The following PTPN4 variants were observed in gnomAD, a reference collection of about 807,000 sequenced individuals.
PTPN4 encodes protein tyrosine phosphatase non-receptor type 4.
Under a neutral mutation model 135.5 loss-of-function variants are expected in PTPN4, and 49 were observed. The ratio of observed to expected loss-of-function variants is 0.36; its 90% CI spans 0.29 to 0.46. The LOEUF is 0.46. Among genes scored for constraint, PTPN4 ranks in the 20% least tolerant of loss-of-function variants. The probability of loss-of-function intolerance (pLI) is 1.00; values close to 1 mark genes in which losing one functional copy is unlikely to be tolerated. For missense variants in PTPN4, 860 were observed against 1,101.0 expected, an observed-to-expected ratio of 0.78 and a Z score of 3.10; for synonymous variants, 333 against 369.9, an observed-to-expected ratio of 0.90 and a Z score of 1.14.
At chr2:119,808,700 G>A (rs1421411898) in intron 1 of PTPN4, among the ~76,000 whole-genome samples, 1 of 152,088 alleles carries the variant, frequency 6.6e-6, no homozygotes, top group African/African-American at 2.4e-5. Context: ...TTACAGTCAT[G>A]AGCCACTTCA....
intron 10 of PTPN4, among the ~76,000 whole-genome samples, chr2:119,912,254 G>A (rs543173853): frequency 6.6e-6 from 1 of 152,178 alleles, no homozygotes; most frequent in Non-Finnish European, 1.5e-5. Flanking sequence ...GTTGGTCAGT[G>A]GTTACGTAGG....
intron 12 of PTPN4, among the ~76,000 whole-genome samples, chr2:119,922,177 C>T (rs112652253): frequency 5.6e-5 from 8 of 142,866 alleles, no homozygotes; most frequent in African/African-American, 7.7e-5. Flanking sequence ...GAAATTTGTA[C>T]CATAAATATT....
chr2:119,845,269 G>A (rs1324976957), intron 2 of PTPN4, among the ~76,000 whole-genome samples: 3 of 100,186 alleles, frequency 3.0e-5, no homozygotes, highest in African/African-American at 1.0e-4. Flanking sequence ...GGAGGGGGAG[G>A]GAGAGGGAGA....
intron 12 of PTPN4, 42 bp from the exon 13 acceptor site, chr2:119,926,556 T>C (rs113345552): frequency 1.5e-6 from 2 of 1,359,878 alleles, no homozygotes; most frequent in Non-Finnish European, 1.0e-6. Flanking sequence ...TATCTTATAG[T>C]TCTCTTAAGA....
intron 2 of PTPN4, among the ~76,000 whole-genome samples, chr2:119,821,154 G>A (rs1006659732): frequency 4.1e-5 from 6 of 146,342 alleles, no homozygotes; most frequent in South Asian, 2.2e-4. Flanking sequence ...GAGCAGTGGC[G>A]TGATCTCGGT....
At chr2:119,963,493 A>G (rs1304774507) in intron 24 of PTPN4, among the ~76,000 whole-genome samples, 6 of 152,222 alleles carry the variant, frequency 3.9e-5, no homozygotes, top group Non-Finnish European at 7.3e-5. Context: ...AGCCCAAGCT[A>G]TGAGTGCCCA....
At chr2:119,946,067 T>C (rs185779543) in intron 16 of PTPN4, among the ~76,000 whole-genome samples, 35 of 152,194 alleles carry the variant, frequency 2.3e-4, no homozygotes, top group Admixed American at 9.8e-4. Context: ...TCTACGGATA[T>C]AGCAATTAAT....
At chr2:119,796,407 C>A (rs1440566604) in intron 1 of PTPN4, among the ~76,000 whole-genome samples, 1 of 152,180 alleles carries the variant, frequency 6.6e-6, no homozygotes, top group African/African-American at 2.4e-5. Context: ...TGTCTATCAC[C>A]ATAGCTTTGT....
At position 119,983,398 on chromosome 2, in the gene PTPN4, C is replaced by A. The variant is rs757463177; in HGVS notation, c.*6328C>A. The A allele has an allele frequency of 6.6e-6, 1 of 152,134 alleles. No homozygotes were observed. The highest frequency in any genetic ancestry group is 2.4e-5 in the African/African-American group (1 of 41,440). The allele number at this position is 152,134 out of a possible 1,614,324, so 9.4% of individuals were successfully genotyped here. Reference sequence around the variant, plus strand: ...TCATTTTAACATATATTCAAAGAAGCTTTTTAGTTTCTACTCCTGAATTGT... The same window carrying A: ...TCATTTTAACATATATTCAAAGAAGATTTTTAGTTTCTACTCCTGAATTGT... On this transcript the variant is annotated 3_prime_UTR_variant, in exon 27 of 27. Transcript: ENST00000263708.
intron 11 of PTPN4, chr2:119,915,839 C>G (rs1253060746): frequency 6.6e-6 from 1 of 152,064 alleles, no homozygotes; most frequent in Non-Finnish European, 1.5e-5. Context: ...TTGGCAAATT[C>G]ATGCAGATTT....
At chr2:119,851,796 C>T (rs1470491304) in intron 2 of PTPN4, among the ~76,000 whole-genome samples, 1 of 152,092 alleles carries the variant, frequency 6.6e-6, no homozygotes, top group African/African-American at 2.4e-5. Flanking sequence ...ATTGTCTGTC[C>T]CTGCCTCCGG....
chr2:119,855,426 G>T (rs1157104586), intron 2 of PTPN4, among the ~76,000 whole-genome samples: 1 of 152,148 alleles, frequency 6.6e-6, no homozygotes, highest in African/African-American at 2.4e-5. Context: ...ATATAGCCCT[G>T]TTCCTTGAAG....
chr2:119,775,096 G>GAAAAAAAA (rs35234122), intron 1 of PTPN4, among the ~76,000 whole-genome samples: 7 of 66,766 alleles, frequency 1.0e-4, no homozygotes, highest in Admixed American at 2.1e-4. Flanking sequence ...GCCCTATTCT[G>GAAAAAAAA]AAAAAAAAAA....
At chr2:119,797,479 C>A (rs1691282541) in intron 1 of PTPN4, among the ~76,000 whole-genome samples, 1 of 152,102 alleles carries the variant, frequency 6.6e-6, no homozygotes, top group Admixed American at 6.6e-5. Flanking sequence ...TGTTTTGTTC[C>A]TGATATTAGA....
intron 1 of PTPN4, among the ~76,000 whole-genome samples, chr2:119,784,834 G>T (rs566360719): frequency 2.0e-5 from 3 of 151,368 alleles, no homozygotes; most frequent in South Asian, 4.2e-4. Flanking sequence ...CACCATGCCT[G>T]GTCAGTCTTC....
chr2:119,984,736 T>G lies in PTPN4; in HGVS notation c.*7666T>G, dbSNP rs949349374. Among the ~76,000 whole-genome samples the G allele has an allele frequency of 1.3e-4, 20 of 152,206 alleles. No homozygotes were observed. The highest frequency in any genetic ancestry group is 4.6e-4 in the African/African-American group (19 of 41,454). On this transcript the variant is annotated 3_prime_UTR_variant, in exon 27 of 27. Transcript: ENST00000263708. ...AATGCTGGTTTGCATTAATACTGTT[T>G]TAGTCTTAAGAGCAATTTATATTAT...
intron 2 of PTPN4, among the ~76,000 whole-genome samples, chr2:119,821,564 CTTTTGCAATTATTTAA>C (rs1208778480): frequency 3.3e-5 from 5 of 151,834 alleles, no homozygotes; most frequent in African/African-American, 1.2e-4. Flanking sequence ...TTTTGGCTTT[CTTTTGCAATTATTTAA>C]TTTTTTCATG....
intron 2 of PTPN4, among the ~76,000 whole-genome samples, chr2:119,842,222 A>G (rs1677392231): frequency 6.6e-6 from 1 of 152,186 alleles, no homozygotes; most frequent in African/African-American, 2.4e-5. Context: ...TTTCTAATCT[A>G]AGGAAGCACG....
At chr2:119,935,436 G>A (rs779624442) in intron 15 of PTPN4, among the ~76,000 whole-genome samples, 4 of 152,140 alleles carry the variant, frequency 2.6e-5, no homozygotes, top group South Asian at 2.1e-4. Context: ...TAGTGAGTGC[G>A]ATCAGGGGTA....
Sources: allele counts gnomAD v4.1 joint callset (sites outside exome capture counted in the v4.1 genomes callset), GRCh38; gene constraint gnomAD v4.1.1; transcripts MANE v1.5; gene names NCBI Gene and HGNC (gene_info 2026-07-23, HGNC 2026-07-21).